The following FBLN7 variants were observed in gnomAD, a reference collection of about 807,000 sequenced individuals.
FBLN7 encodes fibulin-7.
In FBLN7, 31 loss-of-function variants were observed where a neutral mutation model predicts 44.0. The observed-to-expected ratio is 0.70, with a 90% CI of 0.53 to 0.95. FBLN7 has a LOEUF of 0.95. Among genes scored for constraint, FBLN7 ranks in the 40% least tolerant of loss-of-function variants. FBLN7 has a pLI of 0.00. For missense variants in FBLN7, 573 were observed against 618.5 expected, an observed-to-expected ratio of 0.93 and a Z score of 0.78; for synonymous variants, 262 against 253.4, an observed-to-expected ratio of 1.03 and a Z score of -0.32.
At chr2:112,177,546 A>G (rs528678358) in intron 4 of FBLN7, 28 of 152,270 alleles carry the variant, frequency 1.8e-4, no homozygotes, top group African/African-American at 6.0e-4. Flanking sequence ...TATATATAAC[A>G]TAAAATTTAC....
chr2:112,212,872 G>C, the FBLN7 span: 96 of 151,158 alleles, frequency 6.4e-4, 1 homozygote, highest in African/African-American at 2.2e-3. Flanking sequence ...TGATGTCTTT[G>C]CTTATAATTG....
the FBLN7 span, among the ~76,000 whole-genome samples, chr2:112,232,233 T>C: frequency 6.6e-6 from 1 of 151,444 alleles, no homozygotes; most frequent in Non-Finnish European, 1.5e-5. Flanking sequence ...CCAAAATCAT[T>C]TGAACCTGGG....
chr2:112,203,773 A>G, the FBLN7 span, among the ~76,000 whole-genome samples: 1 of 152,230 alleles, frequency 6.6e-6, no homozygotes, highest in Non-Finnish European at 1.5e-5. Context: ...GGCAGGAGGC[A>G]AAAGGCACTT....
chr2:112,198,905 G>A, the FBLN7 span, among the ~76,000 whole-genome samples: 74 of 152,262 alleles, frequency 4.9e-4, 1 homozygote, highest in African/African-American at 1.7e-3. Context: ...AGCCAGGGAA[G>A]CCTCCCTCCA....
chr2:112,185,779 C>T (rs1196873293), intron 7 of FBLN7, among the ~76,000 whole-genome samples: 2 of 152,138 alleles, frequency 1.3e-5, no homozygotes, highest in South Asian at 2.1e-4. Flanking sequence ...CTGCATATCC[C>T]GTGCACCCTG....
intron 1 of FBLN7, among the ~76,000 whole-genome samples, chr2:112,140,175 C>T (rs1488132290): frequency 7.2e-6 from 1 of 138,300 alleles, no homozygotes; most frequent in Non-Finnish European, 1.6e-5. Flanking sequence ...CTCTCCAGGC[C>T]AGCGTCCCTC....
Position 112,181,771 on chromosome 2 carries a change from G to C in FBLN7, c.565G>C (p.Ala189Pro). Residue 189 changes from alanine to proline, a missense_variant, in exon 5 of 8, where the codon GCC becomes CCC. Coordinates refer to ENST00000331203, the MANE Select transcript of FBLN7 (RefSeq NM_153214.3). ...CGAGGGCAGCGTGGCCGGCGACTCC[G>C]CCTTCAGCCGCGCGCCGCGCTGTGC... ...APEGSVAGDSAFSRAPRCAQV... is the reference protein window; with the variant it reads ...APEGSVAGDSPFSRAPRCAQV... 2.1e-6 allele frequency: 3 copies of C among 1,432,284 alleles called. No homozygotes were observed. The highest frequency in any genetic ancestry group is 2.7e-6 in the Non-Finnish European group (3 of 1,098,614). The allele number at this position is 1,432,284 out of a possible 1,614,324, so 88.7% of individuals were successfully genotyped here.
intron 1 of FBLN7, among the ~76,000 whole-genome samples, chr2:112,154,307 A>G (rs1370881534): frequency 6.6e-6 from 1 of 152,200 alleles, no homozygotes; most frequent in Non-Finnish European, 1.5e-5. Context: ...GAAAATTTAT[A>G]CCATTTGAGG....
chr2:112,190,876 A>AG (rs1473354938), downstream of FBLN7, among the ~76,000 whole-genome samples: 1 of 152,212 alleles, frequency 6.6e-6, no homozygotes, highest in Non-Finnish European at 1.5e-5. Flanking sequence ...GGCTAGAGCT[A>AG]GGAAATATGT....
chr2:112,231,534 AG>A, the FBLN7 span, among the ~76,000 whole-genome samples: 1 of 152,194 alleles, frequency 6.6e-6, no homozygotes, highest in African/African-American at 2.4e-5. Context: ...TTATAACAGG[AG>A]TACTATTTTT....
At chr2:112,236,543 G>A in the FBLN7 span, 1 of 1,609,228 alleles carries the variant, frequency 6.2e-7, no homozygotes, top group South Asian at 1.1e-5. Context: ...GGTATTCCTA[G>A]AAGCATATAT....
chr2:112,166,532 T>C (rs41480847), intron 3 of FBLN7, among the ~76,000 whole-genome samples: 11,123 of 152,192 alleles, frequency 0.073, 603 homozygotes, highest in African/African-American at 0.15. Flanking sequence ...GGTTGATGAC[T>C]GGCTCTCAGA....
At chr2:112,196,273 A>G in the FBLN7 span, among the ~76,000 whole-genome samples, 1 of 151,906 alleles carries the variant, frequency 6.6e-6, no homozygotes, top group Non-Finnish European at 1.5e-5. Flanking sequence ...AGATCCCTCT[A>G]TCATTGATGG....
intron 1 of FBLN7, among the ~76,000 whole-genome samples, chr2:112,158,029 G>C (rs753825512): frequency 2.6e-5 from 4 of 151,816 alleles, no homozygotes; most frequent in Admixed American, 6.6e-5. Flanking sequence ...TCCTGAGTAG[G>C]TGGGACTACA....
chr2:112,149,040 C>G (rs2104543774), intron 1 of FBLN7, among the ~76,000 whole-genome samples: 1 of 152,342 alleles, frequency 6.6e-6, no homozygotes, highest in South Asian at 2.1e-4. Context: ...CTTACTCCCA[C>G]AGGCACCTGT....
At chr2:112,244,645 C>T in the FBLN7 span, among the ~76,000 whole-genome samples, 1 of 152,188 alleles carries the variant, frequency 6.6e-6, no homozygotes. Context: ...AGCATGTGTT[C>T]ACTCTGTGTC....
downstream of FBLN7, among the ~76,000 whole-genome samples, chr2:112,191,496 C>T (rs998172041): frequency 2.0e-5 from 3 of 151,990 alleles, no homozygotes; most frequent in Non-Finnish European, 2.9e-5. Flanking sequence ...TTTAACATAG[C>T]TTCATTGATC....
Position 112,187,667 on chromosome 2 carries a change from C to A in FBLN7, c.*161C>A. ...CGTTGCACGGCGCCCCATGGAATAG[C>A]ACGGAAGAGCAGCCACAAAACTCAA... On this transcript the variant is annotated 3_prime_UTR_variant, in exon 8 of 8. Coordinates refer to ENST00000331203, the MANE Select transcript of FBLN7 (RefSeq NM_153214.3). The surrounding 1 kb of genome is among the most constrained non-coding windows in gnomAD (Gnocchi z 5.1). The A allele has an allele frequency of 1.1e-6, 1 of 903,994 alleles. No homozygotes were observed. The highest frequency in any genetic ancestry group is 1.7e-6 in the Non-Finnish European group (1 of 602,824). The allele number at this position is 903,994 out of a possible 1,614,324, so 56.0% of individuals were successfully genotyped here.
Position 112,187,269 on chromosome 2 carries a change from T to C in FBLN7, c.1083T>C (p.Ser361=), listed in dbSNP as rs781690102. 5.0e-6 allele frequency: 8 copies of C among 1,614,066 alleles called. No homozygotes were observed. The Admixed American group carries it at 1.2e-4, about 24-fold the overall frequency. Residue 361 remains serine, a synonymous_variant, in exon 8 of 8, where the codon TCT becomes TCC. Coordinates refer to ENST00000331203, the MANE Select transcript of FBLN7 (RefSeq NM_153214.3). This position sits in a 1 kb window ranked among gnomAD's most constrained non-coding sequence, Gnocchi z 5.1. ...PITLFRMATA[S]APGRAGPNSL... is the part of the protein sequence containing the mutation. ...CGCTCTTCCGCATGGCCACAGCCTC[T>C]GCCCCCGGCCGAGCTGGGCCCAACA...
Sources: allele counts gnomAD v4.1 joint callset (sites outside exome capture counted in the v4.1 genomes callset), GRCh38; gene constraint gnomAD v4.1.1; non-coding constraint Gnocchi (gnomAD v3.1); transcripts MANE v1.5; gene names NCBI Gene and HGNC (gene_info 2026-07-23, HGNC 2026-07-21).